Variants in CDKAL1 observed in about 807,000 individuals in gnomAD.
CDKAL1 encodes CDKAL1 threonylcarbamoyladenosine tRNA methylthiotransferase, also known as threonylcarbamoyladenosine tRNA methylthiotransferase.
In CDKAL1, 32 loss-of-function variants were observed where a neutral mutation model predicts 68.2. That is an observed-to-expected ratio of 0.47 (90% confidence interval 0.35 to 0.63). The LOEUF (loss-of-function observed/expected upper bound fraction) is 0.63, where lower values mean the gene tolerates loss of function less well. Ranked by LOEUF, CDKAL1 falls within the 30% of genes least tolerant of loss-of-function variation. The pLI, the probability that CDKAL1 is intolerant of heterozygous loss-of-function variation, is 0.00. For synonymous variants in CDKAL1, 234 were observed against 244.3 expected, an observed-to-expected ratio of 0.96 and a Z score of 0.39; for missense variants, 606 against 696.7, an observed-to-expected ratio of 0.87 and a Z score of 1.47.
chr6:21,042,293 C>T (rs1342130358), intron 11 of CDKAL1, among the ~76,000 whole-genome samples: 1 of 151,328 alleles, frequency 6.6e-6, no homozygotes, highest in African/African-American at 2.4e-5. Context: ...CCACCATTCA[C>T]CCCTGTCTCT....
intron 8 of CDKAL1, among the ~76,000 whole-genome samples, chr6:20,829,342 A>G (rs921064621): frequency 2.0e-5 from 3 of 152,134 alleles, no homozygotes; most frequent in Non-Finnish European, 2.9e-5. Flanking sequence ...TGTTGTTTAT[A>G]TTTTTCTTGA....
At chr6:21,039,085 G>T (rs892022209) in intron 11 of CDKAL1, among the ~76,000 whole-genome samples, 1 of 152,124 alleles carries the variant, frequency 6.6e-6, no homozygotes, top group Non-Finnish European at 1.5e-5. Flanking sequence ...CCAGTCCATG[G>T]CCTGTTAGGA....
intron 6 of CDKAL1, among the ~76,000 whole-genome samples, chr6:20,756,949 C>A (rs1774240276): frequency 6.8e-6 from 1 of 146,506 alleles, no homozygotes; most frequent in East Asian, 2.0e-4. Flanking sequence ...TCCCTCCTTC[C>A]TTCCTTCCTT....
At chr6:20,867,882 A>G (rs1759991530) in intron 9 of CDKAL1, among the ~76,000 whole-genome samples, 1 of 152,152 alleles carries the variant, frequency 6.6e-6, no homozygotes, top group South Asian at 2.1e-4. Flanking sequence ...CCATTAATTC[A>G]TTGTTGCTCA....
chr6:21,184,731 G>A (rs992304992), intron 13 of CDKAL1, among the ~76,000 whole-genome samples: 1 of 151,864 alleles, frequency 6.6e-6, no homozygotes, highest in Non-Finnish European at 1.5e-5. Context: ...GCTCACTGGT[G>A]CCTTGACCTC....
intron 12 of CDKAL1, among the ~76,000 whole-genome samples, chr6:21,079,450 T>C (rs1772259751): frequency 2.0e-5 from 3 of 152,356 alleles, no homozygotes; most frequent in Non-Finnish European, 4.4e-5. Flanking sequence ...AAAGAATCTC[T>C]GTGACTTATT....
At chr6:20,684,409 T>C (rs1562023951) in intron 5 of CDKAL1, among the ~76,000 whole-genome samples, 1 of 152,208 alleles carries the variant, frequency 6.6e-6, no homozygotes, top group Non-Finnish European at 1.5e-5. Flanking sequence ...GTCACTGCAC[T>C]CCAGCCTTGG....
At chr6:20,631,692 A>G (rs1270771073) in intron 4 of CDKAL1, among the ~76,000 whole-genome samples, 2 of 152,154 alleles carry the variant, frequency 1.3e-5, no homozygotes, top group Non-Finnish European at 2.9e-5. Context: ...GAATAATTGG[A>G]TGAAAAAGAC....
At chr6:20,689,172 A>G (rs1770762039) in intron 5 of CDKAL1, among the ~76,000 whole-genome samples, 1 of 152,074 alleles carries the variant, frequency 6.6e-6, no homozygotes, top group Non-Finnish European at 1.5e-5. Context: ...CCTTTCCCCT[A>G]CTGGAAGCAT....
chr6:20,877,049 C>T (rs1290210114), intron 9 of CDKAL1, among the ~76,000 whole-genome samples: 1 of 152,082 alleles, frequency 6.6e-6, no homozygotes, highest in African/African-American at 2.4e-5. Context: ...ATGATGGTTC[C>T]AATTCTGGCC....
At chr6:21,187,923 AC>A (rs1263076903) in intron 13 of CDKAL1, among the ~76,000 whole-genome samples, 1 of 152,174 alleles carries the variant, frequency 6.6e-6, no homozygotes, top group Non-Finnish European at 1.5e-5. Context: ...CCAGTTTCAT[AC>A]ATATTTTTGC....
At chr6:20,799,106 G>T (rs1234043798) in intron 8 of CDKAL1, among the ~76,000 whole-genome samples, 2 of 130,156 alleles carry the variant, frequency 1.5e-5, no homozygotes, top group Non-Finnish European at 3.1e-5. Context: ...AGGCTGGAGT[G>T]CAATGGCATG....
At chr6:21,068,554 G>C (rs1387744479) in intron 12 of CDKAL1, among the ~76,000 whole-genome samples, 3 of 152,018 alleles carry the variant, frequency 2.0e-5, no homozygotes, top group Non-Finnish European at 4.4e-5. Flanking sequence ...ACATGTGTGG[G>C]TCTGTCCTGG....
intron 9 of CDKAL1, among the ~76,000 whole-genome samples, chr6:20,873,028 A>G (rs1164095970): frequency 1.3e-5 from 2 of 152,184 alleles, no homozygotes; most frequent in Non-Finnish European, 2.9e-5. Context: ...AGCTCAGTGT[A>G]GTGTTGTCTT....
intron 15 of CDKAL1, among the ~76,000 whole-genome samples, chr6:21,203,504 G>A (rs150632541): frequency 6.6e-6 from 1 of 151,540 alleles, no homozygotes; most frequent in African/African-American, 2.4e-5. Flanking sequence ...CCAAAGTGCT[G>A]GAATTACAGA....
At chr6:20,589,176 A>C (rs184648133) in intron 4 of CDKAL1, among the ~76,000 whole-genome samples, 54 of 152,320 alleles carry the variant, frequency 3.5e-4, no homozygotes, top group African/African-American at 1.2e-3. Context: ...TGTTGAGGCT[A>C]GATATCATTG....
At chr6:20,656,719 G>T (rs1581907877) in intron 5 of CDKAL1, among the ~76,000 whole-genome samples, 1 of 152,232 alleles carries the variant, frequency 6.6e-6, no homozygotes, top group East Asian at 1.9e-4. Flanking sequence ...TGTTATATAT[G>T]TGTTATTAAT....
At chr6:20,788,963 G>A (rs1294214736) in intron 8 of CDKAL1, among the ~76,000 whole-genome samples, 1 of 152,178 alleles carries the variant, frequency 6.6e-6, no homozygotes, top group Admixed American at 6.5e-5. Context: ...TGTTTGTTAA[G>A]TATTTCACTT....
intron 10 of CDKAL1, among the ~76,000 whole-genome samples, chr6:20,982,051 A>ATTTG (rs1766181579): frequency 7.4e-6 from 1 of 135,352 alleles, no homozygotes; most frequent in South Asian, 2.2e-4. Flanking sequence ...GGAAATTCTT[A>ATTTG]TTTATTTATT....
Sources: allele counts gnomAD v4.1 joint callset (sites outside exome capture counted in the v4.1 genomes callset), GRCh38; gene constraint gnomAD v4.1.1; transcripts MANE v1.5; gene names NCBI Gene and HGNC (gene_info 2026-07-23, HGNC 2026-07-21).